The following MAGI2 variants were observed in gnomAD, a reference collection of about 807,000 sequenced individuals.
MAGI2 encodes the protein membrane-associated guanylate kinase, WW and PDZ domain-containing protein 2.
A neutral mutation model predicts 133.3 loss-of-function variants in MAGI2; 35 were observed. That is an observed-to-expected ratio of 0.26 (90% CI 0.20 to 0.35). MAGI2 has a LOEUF of 0.35. Ranked by LOEUF, MAGI2 falls within the 10% of genes least tolerant of loss-of-function variation. The probability of loss-of-function intolerance (pLI) is 1.00; values close to 1 mark genes in which losing one functional copy is unlikely to be tolerated. For synonymous variants in MAGI2, 729 were observed against 710.6 expected (o/e 1.03, Z -0.41); for missense variants, 1,636 against 1,863.4 (o/e 0.88, Z 2.25).
At chr7:79,243,686 A>G (rs1832601617) in intron 1 of MAGI2, among the ~76,000 whole-genome samples, 1 of 152,176 alleles carries the variant, frequency 6.6e-6, no homozygotes, top group South Asian at 2.1e-4. Context: ...ACTGCTGCTG[A>G]TTTTGAAATA....
rs542176272 is a variant in MAGI2, at chr7:78,974,869, G to T, written c.418+32221C>A. ...ATAATCTAAGTAGTTAACAATTATC[G>T]AAAGTTTGACTACCTATATTACTTT... On this transcript the variant is annotated intron_variant, in intron 2 of 21. Transcript: ENST00000354212. Among the ~76,000 whole-genome samples, 7 of 151,720 alleles carry T rather than the reference G, an allele frequency of 4.6e-5. No individual in the cohort carries two copies. In the East Asian group the frequency reaches 1.4e-3, roughly 30 times the overall value.
At position 78,265,423 on chromosome 7, in the gene MAGI2, C is replaced by T. The variant is rs80267043; in HGVS notation, c.1409-8842G>A. 4.4e-3 allele frequency among the ~76,000 whole-genome samples: 668 copies of T among 152,238 alleles called. 4 individuals carry two copies. The highest frequency in any genetic ancestry group is 0.015 in the African/African-American group (624 of 41,550). ...CTTGCTCACGTTGGGAATTCAATAG[C>T]ATAAAATGGTCAATGAATCTGTCAT... On this transcript the variant is annotated intron_variant, in intron 9 of 21. Coordinates refer to ENST00000354212, the MANE Select transcript of MAGI2 (RefSeq NM_012301.4).
chr7:78,753,252 G>T (rs955084983), intron 2 of MAGI2, among the ~76,000 whole-genome samples: 2 of 151,856 alleles, frequency 1.3e-5, no homozygotes, highest in Non-Finnish European at 2.9e-5. Flanking sequence ...TCAATAAACA[G>T]ACAGGAAATC....
intron 1 of MAGI2, among the ~76,000 whole-genome samples, chr7:79,198,225 C>A (rs530244820): frequency 6.6e-6 from 1 of 151,542 alleles, no homozygotes; most frequent in Non-Finnish European, 1.5e-5. Flanking sequence ...TGCACTCCTG[C>A]CTGGGTGACA....
In MAGI2 at chr7:78,437,398, C is replaced by A. The variant is rs138568452; in HGVS notation, c.1045+52363G>T. Among the ~76,000 whole-genome samples, 474 of 152,316 alleles carry A rather than the reference C, an allele frequency of 3.1e-3. 4 individuals carry two copies. The highest frequency in any genetic ancestry group is 0.011 in the African/African-American group (460 of 41,582). On this transcript the variant is annotated intron_variant, in intron 6 of 21. Coordinates refer to ENST00000354212, the MANE Select transcript of MAGI2 (RefSeq NM_012301.4). Reference sequence around the variant, plus strand: ...AAGAATTTGTACTTTGCAACACTTTCTTCACTGAGGGCATAACAGATTCTA... The same window carrying A: ...AAGAATTTGTACTTTGCAACACTTTATTCACTGAGGGCATAACAGATTCTA...
intron 2 of MAGI2, among the ~76,000 whole-genome samples, chr7:78,885,855 C>A (rs549232927): frequency 2.6e-5 from 4 of 152,194 alleles, no homozygotes; most frequent in African/African-American, 7.2e-5. Flanking sequence ...AGTTCTAAGT[C>A]CAGCACATAA....
intron 1 of MAGI2, among the ~76,000 whole-genome samples, chr7:79,076,691 T>C (rs1348513260): frequency 6.6e-6 from 1 of 152,258 alleles, no homozygotes; most frequent in African/African-American, 2.4e-5. Context: ...TGTTTCTTTT[T>C]GGAAGATAAG....
intron 4 of MAGI2, among the ~76,000 whole-genome samples, chr7:78,515,766 G>C (rs1795988494): frequency 6.6e-6 from 1 of 152,068 alleles, no homozygotes; most frequent in African/African-American, 2.4e-5. Flanking sequence ...GGGTGTGGTG[G>C]CTGGCACCTA....
At chr7:79,445,718 G>A (rs1339163237) in intron 1 of MAGI2, among the ~76,000 whole-genome samples, 3 of 152,110 alleles carry the variant, frequency 2.0e-5, no homozygotes, top group Non-Finnish European at 4.4e-5. Flanking sequence ...ACTGTTGGTG[G>A]GACTGTAAAC....
At chr7:78,072,078 C>T (rs1264953886) in intron 21 of MAGI2, among the ~76,000 whole-genome samples, 6 of 151,990 alleles carry the variant, frequency 3.9e-5, no homozygotes, top group East Asian at 1.9e-4. Context: ...TGATGGCCAC[C>T]GGAGGGGAAG....
At chr7:78,720,668 A>C (rs1188065787) in intron 2 of MAGI2, among the ~76,000 whole-genome samples, 1 of 152,066 alleles carries the variant, frequency 6.6e-6, no homozygotes, top group Non-Finnish European at 1.5e-5. Flanking sequence ...GTGGGAAAAG[A>C]TGTTTCTAAA....
chr7:79,014,586 A>G (rs1808500188), intron 1 of MAGI2, among the ~76,000 whole-genome samples: 1 of 152,178 alleles, frequency 6.6e-6, no homozygotes, highest in South Asian at 2.1e-4. Context: ...GGAAAAATAT[A>G]TATGGGTAAA....
chr7:79,058,704 T>G (rs998600716), intron 1 of MAGI2, among the ~76,000 whole-genome samples: 1 of 151,808 alleles, frequency 6.6e-6, no homozygotes, highest in African/African-American at 2.4e-5. Flanking sequence ...CAGAAATAAA[T>G]AAAAGGAAGG....
At chr7:79,045,517 G>GTTA (rs1343503352) in intron 1 of MAGI2, among the ~76,000 whole-genome samples, 2 of 152,176 alleles carry the variant, frequency 1.3e-5, no homozygotes, top group Non-Finnish European at 2.9e-5. Flanking sequence ...TTGTAGAGAT[G>GTTA]GCAAACAGGT....
chr7:78,855,135 C>A (rs1793520232), intron 2 of MAGI2, among the ~76,000 whole-genome samples: 1 of 152,020 alleles, frequency 6.6e-6, no homozygotes. Context: ...GGTTCTGTCA[C>A]CCTGGCTGAA....
At chr7:78,354,656 T>A (rs1002924501) in intron 7 of MAGI2, among the ~76,000 whole-genome samples, 6 of 152,206 alleles carry the variant, frequency 3.9e-5, no homozygotes, top group Non-Finnish European at 8.8e-5. Flanking sequence ...GAAAAAGTAT[T>A]ATTCTTGACT....
chr7:78,734,800 C>T (rs1036592833), intron 2 of MAGI2, among the ~76,000 whole-genome samples: 3 of 152,158 alleles, frequency 2.0e-5, no homozygotes, highest in Admixed American at 6.5e-5. Flanking sequence ...CAAGCCCAGC[C>T]TAGCACAGAG....
intron 1 of MAGI2, among the ~76,000 whole-genome samples, chr7:79,441,400 A>G (rs1383984988): frequency 6.6e-6 from 1 of 152,236 alleles, no homozygotes; most frequent in East Asian, 1.9e-4. Flanking sequence ...TGGATTTTAT[A>G]TTAGACAATG....
At chr7:78,627,038 A>T (rs779571889) in intron 3 of MAGI2, 82 bp downstream of exon 3, 128 of 1,405,520 alleles carry the variant, frequency 9.1e-5, no homozygotes, top group Non-Finnish European at 1.1e-4. Context: ...GCCCATTAGT[A>T]ACCTGGTGTC....
Sources: gnomAD v4.1 joint callset for allele counts (sites outside exome capture counted in the v4.1 genomes callset) on GRCh38, gnomAD v4.1.1 for gene constraint, MANE v1.5 for transcripts, NCBI Gene and HGNC (gene_info 2026-07-23, HGNC 2026-07-21) for gene names.